Variants in ANXA4 observed in about 807,000 individuals in gnomAD.
ANXA4 encodes annexin A4, also known as 35-beta calcimedin.
ANXA4 carries 39 observed loss-of-function variants against 49.8 expected under a neutral mutation model. The ratio of observed to expected loss-of-function variants is 0.78; its 90% CI spans 0.61 to 1.02. ANXA4 has a LOEUF of 1.02. ANXA4 is among the 50% of genes least tolerant of loss of function. ANXA4 has a pLI of 0.00. For synonymous variants in ANXA4, 134 were observed against 152.5 expected (o/e 0.88, Z 0.89); for missense variants, 360 against 410.1 (o/e 0.88, Z 1.05).
intron 1 of ANXA4, among the ~76,000 whole-genome samples, chr2:69,770,832 G>C (rs1050947569): frequency 6.6e-6 from 1 of 151,926 alleles, no homozygotes; most frequent in Non-Finnish European, 1.5e-5. Flanking sequence ...GTTCACACCT[G>C]TAATCCCAGC....
chr2:69,810,799 T>C, intron 7 of ANXA4, 126 bp downstream of exon 7: 1 of 721,104 alleles, frequency 1.4e-6, no homozygotes, highest in Non-Finnish European at 2.4e-6. Flanking sequence ...CTCAGACCCC[T>C]CTGTTCCTTT....
At position 69,765,302 on chromosome 2, in the gene ANXA4, A is replaced by G. The variant is rs74901682; in HGVS notation, c.-46-16218A>G. Among the ~76,000 whole-genome samples the G allele has an allele frequency of 6.1e-3, 927 of 152,268 alleles. 18 individuals carry two copies. Among genetic ancestry groups the G allele is most frequent in the East Asian group, 0.031 (162 of 5,186 alleles). On this transcript the variant is annotated intron_variant, in intron 1 of 12. Transcript: ENST00000394295. ...ATTTTTAATTTGTTGAGGAACCACC[A>G]TACTGTTTTTACGGTGGCTGTACCA...
intron 2 of ANXA4, among the ~76,000 whole-genome samples, chr2:69,670,870 A>G (rs1677154220): frequency 6.6e-6 from 1 of 151,900 alleles, no homozygotes; most frequent in Admixed American, 6.6e-5. Flanking sequence ...TGCCAAAAAT[A>G]CAAAATTTAG....
intron 2 of ANXA4, 94 bp from the exon 3 acceptor site, chr2:69,787,960 C>A: frequency 2.8e-6 from 3 of 1,067,744 alleles, no homozygotes; most frequent in Admixed American, 1.7e-5. Context: ...ACCATCTAGG[C>A]TATGGTCAGT....
At chr2:69,643,935 A>G (rs762208606), upstream of ANXA4, 481 of 1,124,272 alleles carry the variant, frequency 4.3e-4, no homozygotes, top group Non-Finnish European at 4.9e-4. Flanking sequence ...CTCAGTGCAG[A>G]CAGAGTTCTG....
At chr2:69,720,387 A>G (rs1669785163) in intron 2 of ANXA4, among the ~76,000 whole-genome samples, 1 of 152,186 alleles carries the variant, frequency 6.6e-6, no homozygotes. Context: ...TAGGTGAAAG[A>G]GCACAGTGCA....
intron 1 of ANXA4, among the ~76,000 whole-genome samples, chr2:69,762,619 T>C (rs767613582): frequency 2.8e-4 from 43 of 152,172 alleles, no homozygotes; most frequent in Non-Finnish European, 4.4e-4. Context: ...ATTAAAAATA[T>C]AACTCCTAGC....
intron 9 of ANXA4, chr2:69,817,237 A>G (rs1055291856): frequency 3.5e-5 from 5 of 142,988 alleles, no homozygotes; most frequent in Non-Finnish European, 6.3e-5. Flanking sequence ...TTAGGCAGTT[A>G]TGAAATATCT....
intron 2 of ANXA4, among the ~76,000 whole-genome samples, chr2:69,694,301 C>A (rs1396241662): frequency 6.6e-6 from 1 of 151,978 alleles, no homozygotes; most frequent in Non-Finnish European, 1.5e-5. Flanking sequence ...AGAAAGTAAG[C>A]CCTCACCAGA....
intron 1 of ANXA4, among the ~76,000 whole-genome samples, chr2:69,764,917 A>AT (rs1671438884): frequency 6.6e-6 from 1 of 152,172 alleles, no homozygotes. Context: ...TTGAGTACAT[A>AT]TAAGTGGATT....
intron 1 of ANXA4, among the ~76,000 whole-genome samples, chr2:69,743,351 G>C (rs1173809112): frequency 6.6e-6 from 1 of 152,110 alleles, no homozygotes; most frequent in Non-Finnish European, 1.5e-5. Flanking sequence ...CCGAGTAGCT[G>C]GGACTACAGG....
chr2:69,744,211 G>A (rs1670521976), intron 1 of ANXA4, among the ~76,000 whole-genome samples: 2 of 152,154 alleles, frequency 1.3e-5, no homozygotes, highest in South Asian at 2.1e-4. Context: ...GGGAGGCTGG[G>A]AGGGAGTTTC....
At chr2:69,781,957 C>T (rs1397311894) in intron 2 of ANXA4, among the ~76,000 whole-genome samples, 1 of 152,220 alleles carries the variant, frequency 6.6e-6, no homozygotes, top group African/African-American at 2.4e-5. Context: ...CACATCATTT[C>T]AGGCTCATCA....
chr2:69,822,918 AT>A (rs912480742), intron 12 of ANXA4, among the ~76,000 whole-genome samples: 6 of 151,476 alleles, frequency 4.0e-5, no homozygotes, highest in African/African-American at 1.2e-4. Flanking sequence ...ATATATATAT[AT>A]TTTTTTACCA....
exon 1 of ANXA4, chr2:69,644,655 A>G (rs565764778): frequency 6.6e-6 from 1 of 152,328 alleles, no homozygotes; most frequent in African/African-American, 2.4e-5. Context: ...GCTTGACCTC[A>G]AAACTCGGGG....
chr2:69,811,428 T>C (rs979531194), intron 7 of ANXA4: 3 of 152,016 alleles, frequency 2.0e-5, no homozygotes, highest in Non-Finnish European at 2.9e-5. Flanking sequence ...GGATGAACAG[T>C]GGAGAGGAAC....
chr2:69,819,366 A>G (rs1336380709), intron 11 of ANXA4, 28 bp downstream of exon 11: 2 of 1,564,482 alleles, frequency 1.3e-6, no homozygotes, highest in Non-Finnish European at 1.8e-6. Context: ...CAGCATCTAA[A>G]TGAATTTGAG....
chr2:69,792,403 A>C (rs1672731373), intron 3 of ANXA4, among the ~76,000 whole-genome samples: 1 of 152,218 alleles, frequency 6.6e-6, no homozygotes, highest in Non-Finnish European at 1.5e-5. Context: ...ATCCTATTTA[A>C]TTTTAACCAG....
intron 2 of ANXA4, among the ~76,000 whole-genome samples, chr2:69,680,522 A>G (rs1677558727): frequency 6.6e-6 from 1 of 152,156 alleles, no homozygotes; most frequent in South Asian, 2.1e-4. Context: ...TGCTCTGGCT[A>G]GGACTTTCAA....
Sources: gnomAD v4.1 joint callset for allele counts (sites outside exome capture counted in the v4.1 genomes callset) on GRCh38, gnomAD v4.1.1 for gene constraint, MANE v1.5 for transcripts, NCBI Gene and HGNC (gene_info 2026-07-23, HGNC 2026-07-21) for gene names.